The following CPPED1 variants were observed in gnomAD, a reference collection of about 807,000 sequenced individuals.
CPPED1 encodes serine/threonine-protein phosphatase CPPED1.
In CPPED1, 28 loss-of-function variants were observed where a neutral mutation model predicts 28.0. That is an observed-to-expected ratio of 1.00 (90% confidence interval 0.74 to 1.37). The LOEUF is 1.37. Ranked by LOEUF, CPPED1 falls within the 40% of genes most tolerant of loss-of-function variation. CPPED1 has a pLI of 0.00. For synonymous variants in CPPED1, 198 were observed against 180.2 expected (o/e 1.10, Z -0.79); for missense variants, 504 against 416.5 (o/e 1.21, Z -1.83).
At chr16:12,793,658 T>C (rs2080609725) in intron 1 of CPPED1, among the ~76,000 whole-genome samples, 1 of 152,204 alleles carries the variant, frequency 6.6e-6, no homozygotes. Flanking sequence ...TGGTCAAAAG[T>C]GAGTTACTCG....
intron 2 of CPPED1, among the ~76,000 whole-genome samples, chr16:12,755,904 G>C (rs558999451): frequency 6.6e-6 from 1 of 152,130 alleles, no homozygotes; most frequent in African/African-American, 2.4e-5. Context: ...AGGTCAAGGC[G>C]GGCGGATCAC....
intron 3 of CPPED1, among the ~76,000 whole-genome samples, chr16:12,693,416 G>A (rs1051032636): frequency 3.3e-5 from 5 of 152,010 alleles, no homozygotes; most frequent in Admixed American, 3.3e-4. Flanking sequence ...GGCTGGTCTC[G>A]AAGTCCTGGG....
rs2079808541 is a variant in CPPED1, at chr16:12,663,566, C to G, written c.*1320G>C. On this transcript the variant is annotated 3_prime_UTR_variant, in exon 4 of 4. Transcript: ENST00000381774. Reference sequence around the variant, plus strand: ...CACCAGCCTATTGTATAATTAACTTCTCGTCTTTTGTTCCTTATGAATTTA... The same window carrying G: ...CACCAGCCTATTGTATAATTAACTTGTCGTCTTTTGTTCCTTATGAATTTA... 6.6e-6 allele frequency: 1 copy of G among 152,166 alleles called. No individual in the cohort carries two copies. The highest frequency in any genetic ancestry group is 2.4e-5 in the African/African-American group (1 of 41,440). 9.4% of individuals were successfully genotyped at this position (152,166 alleles called of 1,614,324 possible). A position where few individuals can be genotyped will look rare whatever the true frequency, so the allele number is the denominator to read the frequency against.
rs972471871 is a variant in CPPED1 at position 12,709,662 on chromosome 16, T to C, written c.290-4613A>G. Reference sequence around the variant, plus strand: ...AATAGCCTTAAAATACATTGTCTAATAAAATCTCTTTGTGAGTTAGGAAGA... The same window carrying C: ...AATAGCCTTAAAATACATTGTCTAACAAAATCTCTTTGTGAGTTAGGAAGA... On this transcript the variant is annotated intron_variant, in intron 2 of 3. Coordinates refer to ENST00000381774, the MANE Select transcript of CPPED1 (RefSeq NM_018340.3). This position sits in a 1 kb window ranked among gnomAD's most constrained non-coding sequence, Gnocchi z 4.4. Among the ~76,000 whole-genome samples, 13 of 152,184 alleles carry C rather than the reference T, an allele frequency of 8.5e-5. No homozygotes were observed. Among genetic ancestry groups the C allele is most frequent in the Non-Finnish European group, 1.6e-4 (11 of 68,028 alleles).
chr16:12,666,977 T>C (rs2079829098), intron 3 of CPPED1, among the ~76,000 whole-genome samples: 1 of 151,696 alleles, frequency 6.6e-6, no homozygotes, highest in Non-Finnish European at 1.5e-5. Flanking sequence ...AGACACAGGT[T>C]CAAGTCTAGG....
chr16:12,794,918 G>A (rs1255022028), intron 1 of CPPED1, among the ~76,000 whole-genome samples: 1 of 152,250 alleles, frequency 6.6e-6, no homozygotes, highest in African/African-American at 2.4e-5. Flanking sequence ...CAGATGGGCT[G>A]GGACTTCGTG....
intron 2 of CPPED1, among the ~76,000 whole-genome samples, chr16:12,756,002 G>C (rs1224253086): frequency 6.6e-6 from 1 of 152,130 alleles, no homozygotes; most frequent in East Asian, 1.9e-4. Flanking sequence ...GTGGTCGCGG[G>C]CACCTGTAGT....
intron 2 of CPPED1, chr16:12,760,621 C>T (rs1179481293): frequency 6.6e-6 from 1 of 152,144 alleles, no homozygotes; most frequent in East Asian, 1.9e-4. Context: ...GAAAATGACA[C>T]AACTGTCTCC....
rs181295167 is a variant in CPPED1 at position 12,663,697 on chromosome 16, A to C, written c.*1189T>G. ...TAATAGACTTTGCAGGTCATGTGTA[A>C]CCAGCTTTGGAAATCATTTTAGGAT... On this transcript the variant is annotated 3_prime_UTR_variant, in exon 4 of 4. Coordinates refer to ENST00000381774, the MANE Select transcript of CPPED1 (RefSeq NM_018340.3). 1 of 152,174 alleles carries C rather than the reference A, an allele frequency of 6.6e-6. No homozygotes were observed. Among genetic ancestry groups the C allele is most frequent in the African/African-American group, 2.4e-5 (1 of 41,444 alleles). 9.4% of individuals were successfully genotyped at this position (152,174 alleles called of 1,614,324 possible). A position where few individuals can be genotyped will look rare whatever the true frequency, so the allele number is the denominator to read the frequency against.
chr16:12,723,179 C>T (rs2080150746), intron 2 of CPPED1, among the ~76,000 whole-genome samples: 1 of 152,194 alleles, frequency 6.6e-6, no homozygotes, highest in Non-Finnish European at 1.5e-5. Flanking sequence ...CATACACATG[C>T]ACACAGGGTG....
In CPPED1 at chr16:12,680,314, A is replaced by AT. The variant is rs578241125; in HGVS notation, c.716-15200dup. 9.2e-5 allele frequency among the ~76,000 whole-genome samples: 14 copies of AT among 151,926 alleles called. No individual in the cohort carries two copies. In the East Asian group the frequency reaches 2.7e-3, roughly 29 times the overall value. ...TCAGCACATTAATAAATCTGTATGCATTTTTTCCTGTTCACCTGTTTATTG... is the reference window on the plus strand; with the variant it reads ...TCAGCACATTAATAAATCTGTATGCATTTTTTTCCTGTTCACCTGTTTATTG... On this transcript the variant is annotated intron_variant, in intron 3 of 3. Coordinates refer to ENST00000381774, the MANE Select transcript of CPPED1 (RefSeq NM_018340.3).
chr16:12,729,203 A>G (rs2141203916), intron 2 of CPPED1, among the ~76,000 whole-genome samples: 1 of 152,276 alleles, frequency 6.6e-6, no homozygotes, highest in East Asian at 1.9e-4. Flanking sequence ...CTAGAAGTTC[A>G]GCTGTGCCTC....
chr16:12,688,791 G>T (rs1029460457), intron 3 of CPPED1, among the ~76,000 whole-genome samples: 1 of 152,194 alleles, frequency 6.6e-6, no homozygotes, highest in Admixed American at 6.5e-5. Flanking sequence ...CAGAGAACAT[G>T]TGCTGTCAAA....
rs148232583 is a variant in CPPED1 at position 12,767,279 on chromosome 16, G to A, written c.289+13906C>T. Reference sequence around the variant, plus strand: ...TGTCCAGGGGCAGGAGAAGGTAGACGTCTCAGCTCAAACAGGAGGCAAATT... The same window carrying A: ...TGTCCAGGGGCAGGAGAAGGTAGACATCTCAGCTCAAACAGGAGGCAAATT... On this transcript the variant is annotated intron_variant, in intron 2 of 3. Transcript: ENST00000381774. Among the ~76,000 whole-genome samples, 1,403 of 152,266 alleles carry A rather than the reference G, an allele frequency of 9.2e-3. 7 individuals carry two copies. Among genetic ancestry groups the A allele is most frequent in the Middle Eastern group, 0.051 (15 of 294 alleles).
At chr16:12,725,077 C>T (rs1285603313) in intron 2 of CPPED1, among the ~76,000 whole-genome samples, 1 of 151,770 alleles carries the variant, frequency 6.6e-6, no homozygotes, top group Non-Finnish European at 1.5e-5. Flanking sequence ...TGACTTACTG[C>T]GCCTGGCCAA....
At chr16:12,722,047 G>C (rs1441544051) in intron 2 of CPPED1, among the ~76,000 whole-genome samples, 2 of 152,126 alleles carry the variant, frequency 1.3e-5, no homozygotes, top group Admixed American at 1.3e-4. Context: ...AAAAGATGCT[G>C]CTTAGTTAAA....
At chr16:12,763,673 G>C (rs1168265757) in intron 2 of CPPED1, among the ~76,000 whole-genome samples, 1 of 152,104 alleles carries the variant, frequency 6.6e-6, no homozygotes, top group Admixed American at 6.6e-5. Flanking sequence ...CTTGCCCAAA[G>C]CTATTTGGCC....
At chr16:12,728,045 T>G (rs2080178510) in intron 2 of CPPED1, among the ~76,000 whole-genome samples, 1 of 152,214 alleles carries the variant, frequency 6.6e-6, no homozygotes, top group Non-Finnish European at 1.5e-5. Context: ...TCAACTTCAT[T>G]TACAATCACG....
At chr16:12,750,042 T>C (rs2080317483) in intron 2 of CPPED1, among the ~76,000 whole-genome samples, 1 of 152,260 alleles carries the variant, frequency 6.6e-6, no homozygotes, top group Non-Finnish European at 1.5e-5. Flanking sequence ...GTTTCTGTTG[T>C]GGAGATGGCT....
Sources: gnomAD v4.1 joint callset for allele counts (sites outside exome capture counted in the v4.1 genomes callset) on GRCh38, gnomAD v4.1.1 for gene constraint, Gnocchi (gnomAD v3.1) non-coding constraint, MANE v1.5 for transcripts, NCBI Gene and HGNC (gene_info 2026-07-23, HGNC 2026-07-21) for gene names.